UACA: variants seen among roughly 807,000 people sequenced by gnomAD.
UACA encodes uveal autoantigen with coiled-coil domains and ankyrin repeats.
In UACA, 112 loss-of-function variants were observed where a neutral mutation model predicts 160.5. The observed-to-expected ratio is 0.70, with a 90% CI of 0.60 to 0.82. The LOEUF is 0.82. Among genes scored for constraint, UACA ranks in the 40% least tolerant of loss-of-function variants. UACA has a pLI of 0.00. For missense variants in UACA, 1,574 were observed against 1,614.6 expected (o/e 0.97, Z 0.43); for synonymous variants, 557 against 568.4 (o/e 0.98, Z 0.29).
chr15:70,720,773 T>C (rs569787125), intron 1 of UACA, among the ~76,000 whole-genome samples: 2 of 152,306 alleles, frequency 1.3e-5, no homozygotes, highest in Non-Finnish European at 2.9e-5. Context: ...TGTTTGGTAT[T>C]TACCAGCCCT....
chr15:70,690,310 A>T (rs1897885375), intron 5 of UACA, 144 bp downstream of exon 5: 1 of 780,820 alleles, frequency 1.3e-6, no homozygotes, highest in South Asian at 1.7e-5. Flanking sequence ...TAATCTAATA[A>T]ATCTCTAATT....
chr15:70,682,083 A>T (rs1897528376), intron 9 of UACA: 1 of 152,238 alleles, frequency 6.6e-6, no homozygotes, highest in Non-Finnish European at 1.5e-5. Flanking sequence ...CTTTTGAGCC[A>T]CGGTACTGTA....
At chr15:70,657,948 G>C (rs1896542838) in intron 18 of UACA, among the ~76,000 whole-genome samples, 2 of 151,882 alleles carry the variant, frequency 1.3e-5, no homozygotes. Context: ...AAATTAGCTG[G>C]GTGTGGTGGC....
At chr15:70,693,832 A>C (rs558919526) in intron 3 of UACA, among the ~76,000 whole-genome samples, 19 of 152,306 alleles carry the variant, frequency 1.2e-4, no homozygotes, top group African/African-American at 4.3e-4. Context: ...GGTTAGTCCA[A>C]AATTTCTAAA....
intron 5 of UACA, among the ~76,000 whole-genome samples, chr15:70,688,703 A>T (rs1264893067): frequency 6.6e-6 from 1 of 152,184 alleles, no homozygotes; most frequent in Non-Finnish European, 1.5e-5. Context: ...AGCATAATAA[A>T]TTCCAGAGTT....
intron 1 of UACA, among the ~76,000 whole-genome samples, chr15:70,704,258 G>C (rs1898462490): frequency 6.6e-6 from 1 of 152,156 alleles, no homozygotes. Context: ...AAATAGGCTA[G>C]ATCTGTAACA....
intron 1 of UACA, among the ~76,000 whole-genome samples, chr15:70,713,305 G>A (rs1289508244): frequency 2.6e-5 from 4 of 152,164 alleles, no homozygotes; most frequent in African/African-American, 7.2e-5. Flanking sequence ...CCGAGATCGC[G>A]CCACTGCACT....
chr15:70,690,412 C>T (rs764293248), intron 5 of UACA, 42 bp downstream of exon 5: 4 of 1,563,022 alleles, frequency 2.6e-6, no homozygotes, highest in East Asian at 2.3e-5. Flanking sequence ...AATGACTAGA[C>T]ATTTTAACAA....
chr15:70,759,278 A>G (rs1486818829), intron 1 of UACA, among the ~76,000 whole-genome samples: 1 of 152,238 alleles, frequency 6.6e-6, no homozygotes, highest in Non-Finnish European at 1.5e-5. Flanking sequence ...TGAACACACA[A>G]TTAACCAGAT....
intron 1 of UACA, among the ~76,000 whole-genome samples, chr15:70,714,847 T>C (rs1461281595): frequency 6.6e-6 from 1 of 152,250 alleles, no homozygotes; most frequent in Non-Finnish European, 1.5e-5. Flanking sequence ...AAACAGTTTA[T>C]GTAAAATATA....
Position 70,763,502 on chromosome 15 carries a change from G to A in UACA, c.-95C>T, listed in dbSNP as rs920038006. The A allele has an allele frequency of 1.9e-5, 24 of 1,256,586 alleles. No individual in the cohort carries two copies. In the Admixed American group the frequency reaches 7.6e-4, roughly 40 times the overall value. The allele number at this position is 1,256,586 out of a possible 1,614,324, so 77.8% of individuals were successfully genotyped here. On this transcript the variant is annotated 5_prime_UTR_variant, in exon 1 of 19. Transcript: ENST00000322954. ...GCAGCGGCTGCAGCAGAGGCGGCGC[G>A]GGCTGTACCAGCCCCACCTGCCTGC...
intron 1 of UACA, among the ~76,000 whole-genome samples, chr15:70,720,180 T>C (rs1159339017): frequency 6.6e-6 from 1 of 152,200 alleles, no homozygotes; most frequent in East Asian, 1.9e-4. Flanking sequence ...CCTTCTGCCC[T>C]GATTGTAGTT....
intron 1 of UACA, among the ~76,000 whole-genome samples, chr15:70,729,045 G>A (rs967873271): frequency 6.6e-6 from 1 of 152,154 alleles, no homozygotes; most frequent in Non-Finnish European, 1.5e-5. Context: ...AACAGATATT[G>A]GTAAGGCTAT....
chr15:70,697,500 C>T (rs1337860895), intron 2 of UACA, among the ~76,000 whole-genome samples: 2 of 152,204 alleles, frequency 1.3e-5, no homozygotes, highest in African/African-American at 4.8e-5. Context: ...CTTGTGGTAA[C>T]TATGGCTAGG....
At chr15:70,690,829 G>A (rs1418263082) in intron 4 of UACA, among the ~76,000 whole-genome samples, 1 of 151,954 alleles carries the variant, frequency 6.6e-6, no homozygotes, top group African/African-American at 2.4e-5. Context: ...AGAAAAGCAG[G>A]TGAGTTCTGC....
At position 70,664,673 on chromosome 15, in the gene UACA, G is replaced by T; in HGVS notation, c.4102C>A (p.Gln1368Lys). Residue 1368 changes from glutamine (Q) to lysine (K), a missense_variant, in exon 17 of 19, where the codon CAA (glutamine) becomes AAA (lysine). Coordinates refer to ENST00000322954, the MANE Select transcript of UACA (RefSeq NM_018003.4). ...GCCTGGTTACTCACGGCCAGCTGTT[G>T]CTCCAGAGATTTCACTTGGTGCTGC... ...TLQHQVKSLE[Q>K]QLADADRQHQ... The T allele has an allele frequency of 2.5e-6, 4 of 1,610,444 alleles. No homozygotes were observed. Among genetic ancestry groups the T allele is most frequent in the Non-Finnish European group, 2.5e-6 (3 of 1,178,430 alleles).
Position 70,667,923 on chromosome 15 carries a change from C to T in UACA, c.2761G>A (p.Glu921Lys). ...TCGTGCTCTGCCAGGCTGATGTACT[C>T]AGCTTTTATTTGGTTCTGAGTGTTT... ...LENTQNQIKA[E>K]YISLAEHEAK... The change falls in exon 16 of 19, where the codon GAG becomes AAG. Residue 921 changes from glutamate to lysine, a missense_variant. Physicochemically the swap from Glu to Lys is moderately conservative, Grantham distance 56. Coordinates refer to ENST00000322954, the MANE Select transcript of UACA (RefSeq NM_018003.4). 6.2e-7 allele frequency: 1 copy of T among 1,613,854 alleles called. No homozygotes were observed. Among genetic ancestry groups the T allele is most frequent in the South Asian group, 1.1e-5 (1 of 91,042 alleles).
chr15:70,681,912 G>C (rs1897522440), intron 9 of UACA: 1 of 152,208 alleles, frequency 6.6e-6, no homozygotes, highest in Admixed American at 6.5e-5. Flanking sequence ...TTCAGATTCA[G>C]GTGAGAGGTA....
Position 70,763,484 on chromosome 15 carries a change from C to G in UACA, c.-77G>C. On this transcript the variant is annotated 5_prime_UTR_variant, in exon 1 of 19. Coordinates refer to ENST00000322954, the MANE Select transcript of UACA (RefSeq NM_018003.4). Reference sequence around the variant, plus strand: ...GCGCGCAAGGAGTAGACGGCAGCGGCTGCAGCAGAGGCGGCGCGGGCTGTA... The same window carrying G: ...GCGCGCAAGGAGTAGACGGCAGCGGGTGCAGCAGAGGCGGCGCGGGCTGTA... 1 of 1,259,884 alleles carries G rather than the reference C, an allele frequency of 7.9e-7. No homozygotes were observed. The highest frequency in any genetic ancestry group is 1.0e-6 in the Non-Finnish European group (1 of 994,712). 78.0% of individuals were successfully genotyped at this position (1,259,884 alleles called of 1,614,324 possible).
Sources: gnomAD v4.1 joint callset for allele counts (sites outside exome capture counted in the v4.1 genomes callset) on GRCh38, gnomAD v4.1.1 for gene constraint, MANE v1.5 for transcripts, NCBI Gene and HGNC (gene_info 2026-07-23, HGNC 2026-07-21) for gene names.